Variants in PRKAB2 observed in about 807,000 individuals in gnomAD.
PRKAB2 encodes protein kinase AMP-activated non-catalytic subunit beta 2, also known as 5'-AMP-activated protein kinase subunit beta-2.
A neutral mutation model predicts 29.8 loss-of-function variants in PRKAB2; 18 were observed. The observed-to-expected ratio is 0.60, with a 90% confidence interval of 0.42 to 0.89. The LOEUF (loss-of-function observed/expected upper bound fraction) is 0.89, where lower values mean the gene tolerates loss of function less well. Among genes scored for constraint, PRKAB2 ranks in the 40% least tolerant of loss-of-function variants. The probability of loss-of-function intolerance (pLI) is 0.00; values close to 1 mark genes in which losing one functional copy is unlikely to be tolerated. For synonymous variants in PRKAB2, 136 were observed against 125.9 expected (o/e 1.08, Z -0.54); for missense variants, 270 against 344.3 (o/e 0.78, Z 1.71).
chr1:147,170,301 G>T (rs587659641), intron 2 of PRKAB2, among the ~76,000 whole-genome samples: 1 of 152,198 alleles, frequency 6.6e-6, no homozygotes, highest in South Asian at 2.1e-4. Context: ...TGAGAGATAA[G>T]AATAATACAA....
rs782589473 is a variant in PRKAB2 at position 147,170,868 on chromosome 1, C to T, written c.156+1121G>A. Reference sequence around the variant, plus strand: ...AAGTGCTGGGATTACAGGCGTGAGCCTCTGCGCCAGGCTGTGATGATGTTA... The same window carrying T: ...AAGTGCTGGGATTACAGGCGTGAGCTTCTGCGCCAGGCTGTGATGATGTTA... On this transcript the variant is annotated intron_variant, in intron 2 of 7. Coordinates refer to ENST00000254101, the MANE Select transcript of PRKAB2 (RefSeq NM_005399.5). Among the ~76,000 whole-genome samples the T allele has an allele frequency of 4.6e-5, 7 of 152,360 alleles. No individual in the cohort carries two copies. The East Asian group carries it at 1.3e-3, about 29-fold the overall frequency.
At position 147,159,258 on chromosome 1, in the gene PRKAB2, C is replaced by G; in HGVS notation, c.*307G>C. 1 of 320,708 alleles carries G rather than the reference C, an allele frequency of 3.1e-6. No individual in the cohort carries two copies. The highest frequency in any genetic ancestry group is 7.5e-5 in the South Asian group (1 of 13,334). The allele number at this position is 320,708 out of a possible 1,614,324, so 19.9% of individuals were successfully genotyped here. A position where few individuals can be genotyped will look rare whatever the true frequency, so the allele number is the denominator to read the frequency against. ...GAAAAATCTTCCTATATAGTTATTC[C>G]TGCAGCGCCCCCAAACAGGTCTTGG... On this transcript the variant is annotated 3_prime_UTR_variant, in exon 8 of 8. Transcript: ENST00000254101.
chr1:147,168,038 G>A, intron 2 of PRKAB2, 105 bp from the exon 3 acceptor site: 1 of 1,204,602 alleles, frequency 8.3e-7, no homozygotes, highest in Non-Finnish European at 1.1e-6. Context: ...TTTGGCTAAG[G>A]ATATAAACCC....
At chr1:147,168,753 A>G (rs1239577862) in intron 2 of PRKAB2, among the ~76,000 whole-genome samples, 2 of 152,250 alleles carry the variant, frequency 1.3e-5, no homozygotes, top group Non-Finnish European at 2.9e-5. Context: ...AGATGCTTTT[A>G]TCAAGTGTTA....
At chr1:147,166,369 GTCTC>G (rs1306125153) in intron 5 of PRKAB2, 125 bp downstream of exon 5, 12 of 560,324 alleles carry the variant, frequency 2.1e-5, no homozygotes, top group Middle Eastern at 6.0e-4. Flanking sequence ...AAAAATCTCT[GTCTC>G]TCTCTCTCCT....
intron 5 of PRKAB2, among the ~76,000 whole-genome samples, chr1:147,166,133 T>C (rs1423088890): frequency 1.3e-5 from 2 of 152,080 alleles, no homozygotes; most frequent in African/African-American, 2.4e-5. Flanking sequence ...ACTACACACA[T>C]GTATCGCCTC....
intron 7 of PRKAB2, among the ~76,000 whole-genome samples, 154 bp from the exon 8 acceptor site, chr1:147,159,796 C>T (rs1205477475): frequency 6.6e-6 from 1 of 152,108 alleles, no homozygotes; most frequent in Admixed American, 6.5e-5. Context: ...ATTCTGACTC[C>T]TATCATCATT....
chr1:147,157,228 T>A lies in PRKAB2; in HGVS notation c.*2337A>T, dbSNP rs1182883304. On this transcript the variant is annotated 3_prime_UTR_variant, in exon 8 of 8. Coordinates refer to ENST00000254101, the MANE Select transcript of PRKAB2 (RefSeq NM_005399.5). ...TCCCTCTCTTCCAAATAGACTGAGA[T>A]AAGGCTTCTCAGAACCATGGGATGT... 6.6e-6 allele frequency: 1 copy of A among 152,138 alleles called. No homozygotes were observed. The highest frequency in any genetic ancestry group is 1.9e-4 in the East Asian group (1 of 5,192). The allele number at this position is 152,138 out of a possible 1,614,324, so 9.4% of individuals were successfully genotyped here. A position where few individuals can be genotyped will look rare whatever the true frequency, so the allele number is the denominator to read the frequency against.
chr1:147,167,818 A>T lies in PRKAB2; in HGVS notation c.272T>A (p.Phe91Tyr). 1 of 1,614,128 alleles carries T rather than the reference A, an allele frequency of 6.2e-7. No individual in the cohort carries two copies. The highest frequency in any genetic ancestry group is 8.5e-7 in the Non-Finnish European group (1 of 1,179,994). The stretch of plus-strand genomic sequence containing the variant: ...CCAATTGTTGAAGGACCCAGAGATG[A>T]AGACCTCCTTGCCTCCTTCAGACCA... ...IRWSEGGKEV[F>Y]ISGSFNNWST... The change falls in exon 3 of 8, where the codon TTC (phenylalanine) becomes TAC (tyrosine). Residue 91 changes from phenylalanine (F) to tyrosine (Y), a missense_variant. By Grantham distance (22) the Phe-to-Tyr change is conservative (BLOSUM62 3). Coordinates refer to ENST00000254101, the MANE Select transcript of PRKAB2 (RefSeq NM_005399.5).
intron 7 of PRKAB2, among the ~76,000 whole-genome samples, chr1:147,159,946 G>A (rs587763232): frequency 2.6e-5 from 4 of 152,196 alleles, no homozygotes; most frequent in African/African-American, 9.6e-5. Flanking sequence ...TAAAAGGGCT[G>A]AAGAAATAAT....
rs1197065057 is a variant in PRKAB2 at position 147,157,470 on chromosome 1, AAAAGCCTCAGGCCTG to A, written c.*2080_*2094del. 3 of 152,186 alleles carry A rather than the reference AAAAGCCTCAGGCCTG, an allele frequency of 2.0e-5. No homozygotes were observed. The highest frequency in any genetic ancestry group is 7.2e-5 in the African/African-American group (3 of 41,446). 9.4% of individuals were successfully genotyped at this position (152,186 alleles called of 1,614,324 possible). ...GTCACAGGGGGCTGACGCATTTCAC[AAAAGCCTCAGGCCTG>A]AAAGAAATCGAAGAGATCTCTTTTC... On this transcript the variant is annotated 3_prime_UTR_variant, in exon 8 of 8. Coordinates refer to ENST00000254101, the MANE Select transcript of PRKAB2 (RefSeq NM_005399.5).
intron 5 of PRKAB2, among the ~76,000 whole-genome samples, chr1:147,163,561 A>G (rs1261795526): frequency 1.3e-5 from 2 of 151,956 alleles, no homozygotes; most frequent in East Asian, 3.9e-4. Flanking sequence ...TGAACCCTGA[A>G]AACATTATGC....
intron 5 of PRKAB2, among the ~76,000 whole-genome samples, chr1:147,165,958 C>T (rs782387923): frequency 1.1e-4 from 17 of 152,220 alleles, no homozygotes; most frequent in Non-Finnish European, 2.1e-4. Context: ...CCATTACGCT[C>T]GGCTAATTTT....
intron 5 of PRKAB2, 43 bp from the exon 6 acceptor site, chr1:147,162,616 A>G: frequency 6.4e-7 from 1 of 1,556,072 alleles, no homozygotes; most frequent in Non-Finnish European, 8.8e-7. Flanking sequence ...TTGGAGAATT[A>G]GCAAGAATGC....
chr1:147,166,652 C>G, intron 4 of PRKAB2, 34 bp from the exon 5 acceptor site: 1 of 1,606,874 alleles, frequency 6.2e-7, no homozygotes, highest in Admixed American at 1.7e-5. Flanking sequence ...TATTGAATCT[C>G]TCTTTCAAAT....
Position 147,161,627 on chromosome 1 carries a change from G to A in PRKAB2, c.741+85C>T, listed in dbSNP as rs782608593. 44 of 1,162,720 alleles carry A rather than the reference G, an allele frequency of 3.8e-5. No homozygotes were observed. The African/African-American group carries it at 5.7e-4, about 15-fold the overall frequency. 72.0% of individuals were successfully genotyped at this position (1,162,720 alleles called of 1,614,324 possible). The stretch of plus-strand genomic sequence containing the variant: ...TGCCAGCTTCAGCTTCAATGAAATA[G>A]CAGAGAAAGTAACCACTGAGAACGT... On this transcript the variant is annotated intron_variant, in intron 7 of 7. Coordinates refer to ENST00000254101, the MANE Select transcript of PRKAB2 (RefSeq NM_005399.5).
intron 3 of PRKAB2, 152 bp from the exon 4 acceptor site, chr1:147,167,091 C>A: frequency 4.7e-6 from 3 of 639,386 alleles, no homozygotes; most frequent in Non-Finnish European, 8.3e-6. Context: ...TAAACCCATT[C>A]TCCTTTTCTG....
chr1:147,168,014 G>A (rs1553913895), intron 2 of PRKAB2, 81 bp from the exon 3 acceptor site: 1 of 1,449,680 alleles, frequency 6.9e-7, no homozygotes, highest in East Asian at 2.3e-5. Context: ...CTAGGATAGA[G>A]AAGGGTGCTA....
intron 5 of PRKAB2, 107 bp downstream of exon 5, chr1:147,166,391 A>G (rs1654251732): frequency 4.8e-6 from 6 of 1,245,368 alleles, no homozygotes. Flanking sequence ...CCTCCCCCCA[A>G]CCCCCTGCTC....
Sources: allele counts gnomAD v4.1 joint callset (sites outside exome capture counted in the v4.1 genomes callset), GRCh38; gene constraint gnomAD v4.1.1; transcripts MANE v1.5; gene names NCBI Gene and HGNC (gene_info 2026-07-23, HGNC 2026-07-21).